Variants in AGBL3 observed in about 807,000 individuals in gnomAD.
AGBL3 encodes the protein cytosolic carboxypeptidase 3.
In AGBL3, 68 loss-of-function variants were observed where a neutral mutation model predicts 94.5. The ratio of observed to expected loss-of-function variants is 0.72; its 90% CI spans 0.59 to 0.88. The LOEUF is 0.88. Ranked by LOEUF, AGBL3 falls within the 40% of genes least tolerant of loss-of-function variation. The pLI, the probability that AGBL3 is intolerant of heterozygous loss-of-function variation, is 0.00. For synonymous variants in AGBL3, 354 were observed against 370.7 expected (o/e 0.95, Z 0.52); for missense variants, 934 against 1,103.8 (o/e 0.85, Z 2.18).
intron 11 of AGBL3, among the ~76,000 whole-genome samples, chr7:135,054,698 ATATG>A (rs1818183000): frequency 6.6e-6 from 1 of 152,198 alleles, no homozygotes; most frequent in Admixed American, 6.5e-5. Context: ...AAAAACATAA[ATATG>A]TGTGTATACA....
chr7:135,005,177 C>T (rs1812227642), intron 4 of AGBL3, among the ~76,000 whole-genome samples: 1 of 151,656 alleles, frequency 6.6e-6, no homozygotes, highest in East Asian at 1.9e-4. Flanking sequence ...TGCAGATATC[C>T]TTACATTTCA....
At chr7:135,010,165 A>C in intron 4 of AGBL3, 1 of 365,030 alleles carries the variant, frequency 2.7e-6, no homozygotes, top group Middle Eastern at 9.5e-4. Context: ...AGTAGCAGAG[A>C]CTACAGGCGC....
intron 16 of AGBL3, among the ~76,000 whole-genome samples, chr7:135,126,382 C>A (rs1471157813): frequency 6.6e-6 from 1 of 151,712 alleles, no homozygotes; most frequent in Non-Finnish European, 1.5e-5. Flanking sequence ...ACCAAGGAAA[C>A]AAGAGAGGAT....
intron 13 of AGBL3, among the ~76,000 whole-genome samples, chr7:135,078,823 C>T (rs1820683902): frequency 6.6e-6 from 1 of 152,116 alleles, no homozygotes; most frequent in Non-Finnish European, 1.5e-5. Flanking sequence ...ATTCCTACTC[C>T]TCTTTCACAA....
intron 5 of AGBL3, among the ~76,000 whole-genome samples, chr7:135,026,700 C>T (rs562715743): frequency 4.6e-5 from 7 of 151,630 alleles, no homozygotes; most frequent in African/African-American, 1.4e-4. Flanking sequence ...AATAACTCCC[C>T]GTTTTATTTT....
chr7:135,108,213 AT>A (rs1825058980), intron 15 of AGBL3, among the ~76,000 whole-genome samples: 1 of 152,156 alleles, frequency 6.6e-6, no homozygotes, highest in Non-Finnish European at 1.5e-5. Context: ...GCCCATTTAC[AT>A]TCAAGGTTAG....
chr7:135,026,937 C>T (rs1425191394), intron 5 of AGBL3, among the ~76,000 whole-genome samples: 1 of 151,610 alleles, frequency 6.6e-6, no homozygotes, highest in Non-Finnish European at 1.5e-5. Flanking sequence ...GTTAATCAAA[C>T]ACCTTTTAGT....
chr7:135,059,254 G>A lies in AGBL3; in HGVS notation c.1908+19G>A. On this transcript the variant is annotated intron_variant, in intron 12 of 16. Coordinates refer to ENST00000436302, the MANE Select transcript of AGBL3 (RefSeq NM_178563.4). ...TTCTCAGGTATGACTGAACATTTTTGCTTATATGTGGATATGCTGTGTAGG... is the reference window on the plus strand; with the variant it reads ...TTCTCAGGTATGACTGAACATTTTTACTTATATGTGGATATGCTGTGTAGG... 3 of 1,539,974 alleles carry A rather than the reference G, an allele frequency of 1.9e-6. No homozygotes were observed. The highest frequency in any genetic ancestry group is 2.6e-6 in the Non-Finnish European group (3 of 1,137,596).
chr7:135,130,728 C>T (rs1470282775), intron 16 of AGBL3, among the ~76,000 whole-genome samples: 2 of 151,982 alleles, frequency 1.3e-5, no homozygotes, highest in African/African-American at 4.8e-5. Flanking sequence ...CACTGTAGTT[C>T]CAGTCCTAAT....
At chr7:135,013,920 C>T (rs988498219) in intron 4 of AGBL3, among the ~76,000 whole-genome samples, 4 of 152,036 alleles carry the variant, frequency 2.6e-5, no homozygotes, top group African/African-American at 9.7e-5. Flanking sequence ...GTTGGCCGGG[C>T]GCAGTGGCTC....
rs1826204410 is a variant in AGBL3 at position 135,115,562 on chromosome 7, C to G, written c.2293C>G (p.Gln765Glu). The change falls in exon 16 of 17, where the codon CAG (glutamine) becomes GAG (glutamate). Residue 765 changes from glutamine to glutamate, a missense_variant. Transcript: ENST00000436302. ...TAGCACTAAAAACATGCAAACCACT[C>G]AGATAAAACAGCTATTCAATCCAAG... is the stretch of plus-strand genomic sequence containing the variant. ...VHSTKNMQTT[Q>E]IKQLFNPRTN... 1.3e-6 allele frequency: 2 copies of G among 1,551,334 alleles called. No individual in the cohort carries two copies. Among genetic ancestry groups the G allele is most frequent in the East Asian group, 4.9e-5 (2 of 40,888 alleles).
At chr7:135,069,756 C>T (rs1449367450) in intron 12 of AGBL3, among the ~76,000 whole-genome samples, 3 of 151,832 alleles carry the variant, frequency 2.0e-5, no homozygotes, top group African/African-American at 7.3e-5. Flanking sequence ...CACTAAATGC[C>T]CACAAGAGAA....
At chr7:135,046,015 C>T (rs1402787566) in intron 11 of AGBL3, 104 bp downstream of exon 11, 1 of 819,008 alleles carries the variant, frequency 1.2e-6, no homozygotes, top group Non-Finnish European at 1.9e-6. Context: ...AAAATCCCAA[C>T]TGTAAGTGGT....
intron 15 of AGBL3, among the ~76,000 whole-genome samples, chr7:135,106,518 T>C (rs1335367582): frequency 6.6e-6 from 1 of 152,254 alleles, no homozygotes; most frequent in Non-Finnish European, 1.5e-5. Context: ...ATCACATTTC[T>C]TGATTTGCAT....
rs148928989 is a variant in AGBL3, at chr7:134,996,435, A to T, written c.310+2757A>T. Among the ~76,000 whole-genome samples the T allele has an allele frequency of 1.3e-3, 195 of 152,298 alleles. 3 individuals are homozygous for T. The highest frequency in any genetic ancestry group is 4.6e-3 in the African/African-American group (193 of 41,564). ...GGGAGTTTCAGACAGTAAACAGCACATCATTAATCTTACTGTTCTTATCTT... is the reference window on the plus strand; with the variant it reads ...GGGAGTTTCAGACAGTAAACAGCACTTCATTAATCTTACTGTTCTTATCTT... On this transcript the variant is annotated intron_variant, in intron 4 of 16. Coordinates refer to ENST00000436302, the MANE Select transcript of AGBL3 (RefSeq NM_178563.4).
intron 16 of AGBL3, among the ~76,000 whole-genome samples, chr7:135,116,744 T>C (rs1261297046): frequency 1.3e-5 from 2 of 152,206 alleles, no homozygotes; most frequent in Non-Finnish European, 2.9e-5. Flanking sequence ...CTGCCTCTGC[T>C]TACATGGGTG....
intron 7 of AGBL3, among the ~76,000 whole-genome samples, chr7:135,036,052 A>C (rs1161927035): frequency 6.6e-6 from 1 of 152,102 alleles, no homozygotes; most frequent in Non-Finnish European, 1.5e-5. Context: ...AATAGAAGCA[A>C]AATGCTTTGA....
At chr7:135,085,668 T>C (rs776288853) in intron 15 of AGBL3, among the ~76,000 whole-genome samples, 3 of 152,044 alleles carry the variant, frequency 2.0e-5, no homozygotes, top group African/African-American at 7.2e-5. Flanking sequence ...AATAAGTAGA[T>C]TTATTTTGGG....
chr7:135,010,726 T>G (rs1168552120), intron 4 of AGBL3: 1 of 152,214 alleles, frequency 6.6e-6, no homozygotes, highest in Non-Finnish European at 1.5e-5. Flanking sequence ...TGTTTTCAAC[T>G]GTTTCAAATA....
Sources: gnomAD v4.1 joint callset for allele counts (sites outside exome capture counted in the v4.1 genomes callset) on GRCh38, gnomAD v4.1.1 for gene constraint, MANE v1.5 for transcripts, NCBI Gene and HGNC (gene_info 2026-07-23, HGNC 2026-07-21) for gene names.